The following ZBTB20 variants were observed in gnomAD, a reference collection of about 807,000 sequenced individuals.
The protein encoded by ZBTB20 is zinc finger and BTB domain containing 20.
A neutral mutation model predicts 56.9 loss-of-function variants in ZBTB20; 9 were observed. That is an observed-to-expected ratio of 0.16 (90% CI 0.10 to 0.28). ZBTB20 has a LOEUF of 0.28. ZBTB20 is among the 10% of genes least tolerant of loss of function. The pLI is 1.00. For synonymous variants in ZBTB20, 417 were observed against 420.7 expected (o/e 0.99, Z 0.11); for missense variants, 655 against 1,003.0 (o/e 0.65, Z 4.69).
intron 6 of ZBTB20, among the ~76,000 whole-genome samples, chr3:114,615,060 C>A (rs919305651): frequency 4.6e-5 from 7 of 152,150 alleles, no homozygotes; most frequent in African/African-American, 1.7e-4. Context: ...AGCCACCGCG[C>A]CCAGCCTGTA....
intron 1 of ZBTB20, among the ~76,000 whole-genome samples, chr3:115,116,309 A>AT (rs1222280164): frequency 6.6e-6 from 1 of 152,050 alleles, no homozygotes; most frequent in Non-Finnish European, 1.5e-5. Context: ...AACTTCTTAG[A>AT]TTTTTTAAAT....
chr3:114,627,630 T>G (rs1205057951), intron 6 of ZBTB20, among the ~76,000 whole-genome samples: 1 of 152,146 alleles, frequency 6.6e-6, no homozygotes, highest in East Asian at 1.9e-4. Flanking sequence ...ACATGGAGAA[T>G]TCACCAAGCA....
intron 3 of ZBTB20, among the ~76,000 whole-genome samples, chr3:114,931,645 T>C (rs1391810381): frequency 3.3e-5 from 5 of 152,184 alleles, no homozygotes; most frequent in Non-Finnish European, 7.3e-5. Context: ...AAATTATTTT[T>C]ACCTACAGAC....
chr3:114,408,369 C>T (rs145647462), intron 7 of ZBTB20, among the ~76,000 whole-genome samples: 26 of 152,300 alleles, frequency 1.7e-4, no homozygotes, highest in African/African-American at 4.6e-4. Context: ...CTGTTGACAG[C>T]ATCTGAGGAC....
At chr3:114,669,198 G>A (rs1364069785) in intron 6 of ZBTB20, among the ~76,000 whole-genome samples, 3 of 152,026 alleles carry the variant, frequency 2.0e-5, no homozygotes, top group African/African-American at 7.2e-5. Context: ...GCACAGAACA[G>A]ACATCTACCC....
chr3:114,621,813 A>C (rs1018197618), intron 6 of ZBTB20, among the ~76,000 whole-genome samples: 1 of 152,194 alleles, frequency 6.6e-6, no homozygotes, highest in Non-Finnish European at 1.5e-5. Flanking sequence ...GGTATTGAAA[A>C]AATAAGTAAT....
At chr3:114,855,393 C>G (rs2075201352) in intron 4 of ZBTB20, among the ~76,000 whole-genome samples, 1 of 152,180 alleles carries the variant, frequency 6.6e-6, no homozygotes, top group African/African-American at 2.4e-5. Flanking sequence ...GTCTCTTATT[C>G]TCTGATCTGC....
At chr3:114,489,852 G>A (rs1299141673) in intron 7 of ZBTB20, among the ~76,000 whole-genome samples, 2 of 152,180 alleles carry the variant, frequency 1.3e-5, no homozygotes, top group African/African-American at 2.4e-5. Flanking sequence ...AGAATGGAAT[G>A]TGCCCAAATA....
chr3:114,930,339 A>C (rs1418569195), intron 3 of ZBTB20, among the ~76,000 whole-genome samples: 1 of 152,202 alleles, frequency 6.6e-6, no homozygotes, highest in African/African-American at 2.4e-5. Flanking sequence ...AAAATGAAAA[A>C]AGGGAAATAA....
chr3:114,490,109 G>T (rs1292481327), intron 7 of ZBTB20, among the ~76,000 whole-genome samples: 2 of 141,990 alleles, frequency 1.4e-5, no homozygotes, highest in Non-Finnish European at 3.1e-5. Context: ...AGGGATGGAG[G>T]ATTATTTATT....
chr3:114,790,264 T>C (rs1288334964), intron 5 of ZBTB20, among the ~76,000 whole-genome samples: 1 of 152,180 alleles, frequency 6.6e-6, no homozygotes, highest in Non-Finnish European at 1.5e-5. Flanking sequence ...ATGTTCATTG[T>C]AACTGGTGAA....
chr3:114,843,715 C>T (rs572035844), intron 4 of ZBTB20, among the ~76,000 whole-genome samples: 7 of 152,058 alleles, frequency 4.6e-5, no homozygotes, highest in South Asian at 2.1e-4. Flanking sequence ...CTCACTCTGT[C>T]GCCCAGGCTG....
At chr3:114,458,672 C>T (rs934776679) in intron 7 of ZBTB20, among the ~76,000 whole-genome samples, 4 of 151,148 alleles carry the variant, frequency 2.6e-5, no homozygotes, top group South Asian at 2.1e-4. Flanking sequence ...GCATACTGAA[C>T]GTACGGGTTT....
At chr3:114,641,664 G>C (rs1236018289) in intron 6 of ZBTB20, among the ~76,000 whole-genome samples, 1 of 151,554 alleles carries the variant, frequency 6.6e-6, no homozygotes, top group Non-Finnish European at 1.5e-5. Flanking sequence ...GAGATTCCTA[G>C]ATCTCTATAG....
chr3:114,894,132 G>A (rs1197708887), intron 4 of ZBTB20, among the ~76,000 whole-genome samples: 8 of 151,930 alleles, frequency 5.3e-5, no homozygotes, highest in Non-Finnish European at 1.2e-4. Flanking sequence ...AAAGCAGCAC[G>A]GGATGCTAGG....
intron 1 of ZBTB20, among the ~76,000 whole-genome samples, chr3:115,095,890 T>A (rs972363990): frequency 2.0e-5 from 3 of 152,226 alleles, no homozygotes; most frequent in African/African-American, 7.2e-5. Flanking sequence ...ATAAAATTGA[T>A]CTTGCTAGTT....
chr3:114,368,883 A>G (rs1040667492), intron 10 of ZBTB20, among the ~76,000 whole-genome samples: 3 of 152,230 alleles, frequency 2.0e-5, no homozygotes, highest in Non-Finnish European at 4.4e-5. Context: ...AGAAAATGGA[A>G]TGGGCTAGAT....
chr3:114,633,579 G>A (rs933261121), intron 6 of ZBTB20, among the ~76,000 whole-genome samples: 2 of 152,160 alleles, frequency 1.3e-5, no homozygotes, highest in African/African-American at 4.8e-5. Flanking sequence ...CTTGAAATGA[G>A]AGTTCCTGGA....
intron 10 of ZBTB20, among the ~76,000 whole-genome samples, chr3:114,372,159 A>G (rs986024598): frequency 1.3e-5 from 2 of 152,224 alleles, no homozygotes; most frequent in African/African-American, 4.8e-5. Flanking sequence ...GATATGGAGA[A>G]GCACTAATTT....
Sources: gnomAD v4.1 joint callset for allele counts (sites outside exome capture counted in the v4.1 genomes callset) on GRCh38, gnomAD v4.1.1 for gene constraint, MANE v1.5 for transcripts, NCBI Gene and HGNC (gene_info 2026-07-23, HGNC 2026-07-21) for gene names.